Variants in NBN observed in about 807,000 individuals in gnomAD.
NBN encodes Nijmegen breakage syndrome 1 (nibrin).
NBN carries 88 observed loss-of-function variants against 90.8 expected under a neutral mutation model. The observed-to-expected ratio is 0.97, with a 90% CI of 0.82 to 1.16. The LOEUF (loss-of-function observed/expected upper bound fraction) is 1.16, where lower values mean the gene tolerates loss of function less well. Ranked by LOEUF, NBN falls within the 50% of genes most tolerant of loss-of-function variation. The pLI, the probability that NBN is intolerant of heterozygous loss-of-function variation, is 0.00. For missense variants in NBN, 894 were observed against 869.6 expected, an observed-to-expected ratio of 1.03 and a Z score of -0.35; for synonymous variants, 328 against 295.1, an observed-to-expected ratio of 1.11 and a Z score of -1.14.
At chr8:89,948,446 A>C (rs953765097) in intron 11 of NBN, among the ~76,000 whole-genome samples, 1 of 152,230 alleles carries the variant, frequency 6.6e-6, no homozygotes, top group African/African-American at 2.4e-5. Context: ...ACTGTTCAAG[A>C]TATTTGTCTG....
rs2129832119 is a variant in NBN at position 89,970,570 on chromosome 8, G to T, written c.703-13C>A. Reference sequence around the variant, plus strand: ...TCAATTTCTTATGCTAAAAATGGAAGGAAACATTTTTTAAAGTAAAATGTA... The same window carrying T: ...TCAATTTCTTATGCTAAAAATGGAATGAAACATTTTTTAAAGTAAAATGTA... On this transcript the variant is annotated splice_polypyrimidine_tract_variant and intron_variant, in intron 6 of 15. Transcript: ENST00000265433. 1.9e-6 allele frequency: 3 copies of T among 1,610,426 alleles called. No individual in the cohort carries two copies. Among genetic ancestry groups the T allele is most frequent in the Admixed American group, 3.3e-5 (2 of 59,976 alleles).
At chr8:89,972,768 T>C (rs889977430) in intron 5 of NBN, among the ~76,000 whole-genome samples, 2 of 152,198 alleles carry the variant, frequency 1.3e-5, no homozygotes, top group African/African-American at 2.4e-5. Context: ...CTAGGACAGA[T>C]TACAGAGCCA....
At chr8:89,961,832 T>C (rs1475663423) in intron 8 of NBN, among the ~76,000 whole-genome samples, 1 of 152,116 alleles carries the variant, frequency 6.6e-6, no homozygotes, top group Admixed American at 6.5e-5. Context: ...ATATTAACTG[T>C]AGAGATGAGT....
At chr8:89,946,410 G>A (rs1167544687) in intron 12 of NBN, 115 bp from the exon 13 acceptor site, 5 of 916,990 alleles carry the variant, frequency 5.5e-6, no homozygotes, top group African/African-American at 5.0e-5. Context: ...TAGTAAAAAT[G>A]TTTTATTTCT....
intron 5 of NBN, among the ~76,000 whole-genome samples, chr8:89,977,232 C>T (rs1190012809): frequency 3.3e-5 from 5 of 151,984 alleles, no homozygotes; most frequent in Non-Finnish European, 7.4e-5. Context: ...TCCCCCACCC[C>T]CAAACAGGCC....
At chr8:89,982,298 A>G (rs1812107371) in intron 2 of NBN, 1 of 266,308 alleles carries the variant, frequency 3.8e-6, no homozygotes, top group African/African-American at 2.3e-5. Flanking sequence ...CAGCTACATA[A>G]CCTCTTTAAG....
chr8:89,975,530 G>T (rs1245336745), intron 5 of NBN, among the ~76,000 whole-genome samples: 1 of 152,124 alleles, frequency 6.6e-6, no homozygotes, highest in Non-Finnish European at 1.5e-5. Context: ...TTTAAAAATT[G>T]TATTATCAAT....
chr8:89,944,067 G>A (rs1026534176), intron 13 of NBN, among the ~76,000 whole-genome samples: 10 of 151,974 alleles, frequency 6.6e-5, no homozygotes, highest in Non-Finnish European at 1.2e-4. Flanking sequence ...TTTAAAAAAC[G>A]CTATGTCATT....
intron 1 of NBN, among the ~76,000 whole-genome samples, chr8:89,983,713 G>A (rs1482712173): frequency 6.6e-6 from 1 of 152,176 alleles, no homozygotes; most frequent in Non-Finnish European, 1.5e-5. Context: ...TTGGAGACAT[G>A]CGGAGTTGAG....
In NBN at chr8:89,934,891, A is replaced by G. The variant is rs1021080764; in HGVS notation, c.*691T>C. On this transcript the variant is annotated 3_prime_UTR_variant, in exon 16 of 16. Coordinates refer to ENST00000265433, the MANE Select transcript of NBN (RefSeq NM_002485.5). ...ACCCAGCTCAGTAAGACCACCAAAAAGGGGTACAGGTCTTTCCATTCTGGT... is the reference window on the plus strand; with the variant it reads ...ACCCAGCTCAGTAAGACCACCAAAAGGGGGTACAGGTCTTTCCATTCTGGT... 11 of 232,370 alleles carry G rather than the reference A, an allele frequency of 4.7e-5. No individual in the cohort carries two copies. Among genetic ancestry groups the G allele is most frequent in the African/African-American group, 2.2e-4 (10 of 45,298 alleles). The allele number at this position is 232,370 out of a possible 1,614,324, so 14.4% of individuals were successfully genotyped here.
Position 89,943,338 on chromosome 8 carries a change from G to A in NBN, c.2099C>T (p.Pro700Leu), listed in dbSNP as rs1367898317. The A allele has an allele frequency of 6.2e-7, 1 of 1,609,328 alleles. No homozygotes were observed. Among genetic ancestry groups the A allele is most frequent in the Admixed American group, 1.7e-5 (1 of 59,998 alleles). Reference sequence around the variant, plus strand: ...TAGATCTGATCCTCCAATGATGTGTGGAAGTTTTCCTGCTCCAGGATATGT... The same window carrying A: ...TAGATCTGATCCTCCAATGATGTGTAGAAGTTTTCCTGCTCCAGGATATGT... ...KVTYPGAGKLPHIIGGSDLIA... is the reference protein window; with the variant it reads ...KVTYPGAGKLLHIIGGSDLIA... The change falls in exon 14 of 16, where the codon CCA (proline) becomes CTA (leucine). Residue 700 changes from proline to leucine, a missense_variant. Coordinates refer to ENST00000265433, the MANE Select transcript of NBN (RefSeq NM_002485.5).
intron 8 of NBN, among the ~76,000 whole-genome samples, chr8:89,961,271 G>A (rs1810980463): frequency 6.6e-6 from 1 of 152,172 alleles, no homozygotes; most frequent in Admixed American, 6.5e-5. Context: ...ATAATCTTGT[G>A]TACCAATAGC....
At position 89,978,300 on chromosome 8, in the gene NBN, T is replaced by G. The variant is rs1057521464; in HGVS notation, c.504A>C (p.Gly168=). The G allele has an allele frequency of 1.3e-6, 2 of 1,591,508 alleles. No homozygotes were observed. The highest frequency in any genetic ancestry group is 2.2e-5 in the East Asian group (1 of 44,666). The change falls in exon 5 of 16, where the codon GGA becomes GGC. Residue 168 remains glycine, a synonymous_variant. Transcript: ENST00000265433. ...TIKTICALIC[G]RPIVKPEYFT... ...AATATTCTGGCTTTACAATTGGACG[T>G]CCACAAATGAGTGCACATATTGTCT...
chr8:89,984,470 C>G, intron 1 of NBN, 55 bp downstream of exon 1: 1 of 1,545,578 alleles, frequency 6.5e-7, no homozygotes, highest in South Asian at 1.1e-5. Context: ...CAGGCCCTCC[C>G]CCGAGGCAGT....
chr8:89,952,751 T>C (rs1199313675), intron 11 of NBN, among the ~76,000 whole-genome samples: 1 of 152,082 alleles, frequency 6.6e-6, no homozygotes, highest in Non-Finnish European at 1.5e-5. Context: ...TACTGATGTA[T>C]ACAAAAAAGA....
At position 89,953,383 on chromosome 8, in the gene NBN, T is replaced by C; in HGVS notation, c.1706A>G (p.Asp569Gly). 1.9e-6 allele frequency: 3 copies of C among 1,613,772 alleles called. No homozygotes were observed. The highest frequency in any genetic ancestry group is 1.7e-6 in the Non-Finnish European group (2 of 1,179,836). Residue 569 changes from aspartate (D) to glycine (G), a missense_variant, in exon 11 of 16, where the codon GAC (aspartate) becomes GGC (glycine). Physicochemically the swap from Asp to Gly is moderately conservative, Grantham distance 94. Transcript: ENST00000265433. ...EDEVLEQLFK[D>G]TKPELEIDVK... The stretch of plus-strand genomic sequence containing the variant: ...ATCAATTTCTAACTCTGGTTTTGTG[T>C]CCTTGAATAACTGTTCCAATACTTC...
At chr8:89,945,239 C>T (rs1321692419) in intron 13 of NBN, among the ~76,000 whole-genome samples, 1 of 152,014 alleles carries the variant, frequency 6.6e-6, no homozygotes, top group African/African-American at 2.4e-5. Flanking sequence ...ATTCATGAGC[C>T]TCAGATATAG....
In NBN at chr8:89,963,986, C is replaced by T. The variant is rs995385651; in HGVS notation, c.994+424G>A. 2.0e-5 allele frequency among the ~76,000 whole-genome samples: 3 copies of T among 152,192 alleles called. No individual in the cohort carries two copies. In the South Asian group the frequency reaches 6.2e-4, roughly 31 times the overall value. On this transcript the variant is annotated intron_variant, in intron 8 of 15. Coordinates refer to ENST00000265433, the MANE Select transcript of NBN (RefSeq NM_002485.5). ...ATTATCCACCACCCAGATCCTCACACAGCTGCCTTTTCCCATCATTCAGGA... is the reference window on the plus strand; with the variant it reads ...ATTATCCACCACCCAGATCCTCACATAGCTGCCTTTTCCCATCATTCAGGA...
chr8:89,967,949 C>T (rs562167500), intron 7 of NBN, among the ~76,000 whole-genome samples: 102 of 152,280 alleles, frequency 6.7e-4, no homozygotes, highest in African/African-American at 2.1e-3. Context: ...AAATATAATA[C>T]TGCATTCCCT....
Sources: allele counts gnomAD v4.1 joint callset (sites outside exome capture counted in the v4.1 genomes callset), GRCh38; gene constraint gnomAD v4.1.1; transcripts MANE v1.5; gene names NCBI Gene and HGNC (gene_info 2026-07-23, HGNC 2026-07-21).